The following BRI3 variants were observed in gnomAD, a reference collection of about 807,000 sequenced individuals.
BRI3 encodes brain protein I3.
BRI3 carries 6 observed loss-of-function variants against 12.8 expected under a neutral mutation model. The observed-to-expected ratio is 0.47, with a 90% CI of 0.26 to 0.93. The LOEUF (loss-of-function observed/expected upper bound fraction) is 0.93. BRI3 is among the 40% of genes least tolerant of loss of function. BRI3 has a pLI of 0.15. For synonymous variants in BRI3, 91 were observed against 76.1 expected, an observed-to-expected ratio of 1.20 and a Z score of -1.02; for missense variants, 134 against 171.1, an observed-to-expected ratio of 0.78 and a Z score of 1.21.
At chr7:98,319,493 T>C in the BRI3 span, among the ~76,000 whole-genome samples, 1 of 151,564 alleles carries the variant, frequency 6.6e-6, no homozygotes, top group Admixed American at 6.6e-5. Flanking sequence ...ATGTATTCTG[T>C]GAAGACAATG....
chr7:98,299,310 C>T (rs1012300761), intron 1 of BRI3, among the ~76,000 whole-genome samples: 9 of 151,210 alleles, frequency 6.0e-5, no homozygotes, highest in African/African-American at 2.2e-4. Context: ...TGAGCCACCA[C>T]GCCTGACTGG....
At chr7:98,287,413 C>T (rs75450757) in intron 2 of BRI3, among the ~76,000 whole-genome samples, 2,679 of 152,276 alleles carry the variant, frequency 0.018, 82 homozygotes, top group African/African-American at 0.061. Flanking sequence ...ACAGAAATTC[C>T]GTGGGTTGGA....
exon 1 of BRI3, chr7:98,306,660 T>A: frequency 8.3e-7 from 1 of 1,211,524 alleles, no homozygotes; most frequent in Non-Finnish European, 1.1e-6. Flanking sequence ...TTAAGGCTTT[T>A]AATAGGTAAA....
downstream of BRI3, chr7:98,310,597 G>A (rs777828564): frequency 6.4e-7 from 1 of 1,555,962 alleles, no homozygotes; most frequent in East Asian, 2.4e-5. Context: ...CCTAACCTGT[G>A]AAAAATTCTT....
rs1325243434 is a variant in BRI3, at chr7:98,290,776, G to A, written c.246-335G>A. The stretch of plus-strand genomic sequence containing the variant: ...CGCCTCCCACAGTGCTGGGATTACA[G>A]GCGTGAGCCACCACACACCCTGCCT... On this transcript the variant is annotated intron_variant, in intron 2 of 2. Transcript: ENST00000297290. 2.0e-5 allele frequency among the ~76,000 whole-genome samples: 3 copies of A among 152,400 alleles called. No individual in the cohort carries two copies. The East Asian group carries it at 5.8e-4, about 29-fold the overall frequency.
At chr7:98,289,956 T>C (rs1377038031) in intron 2 of BRI3, among the ~76,000 whole-genome samples, 3 of 152,310 alleles carry the variant, frequency 2.0e-5, no homozygotes, top group Admixed American at 6.5e-5. Flanking sequence ...CATTGAACTT[T>C]GTTGAAGAGG....
the BRI3 span, chr7:98,315,624 A>T: frequency 2.6e-6 from 3 of 1,171,964 alleles, no homozygotes; most frequent in East Asian, 3.1e-5. Context: ...TAAAAAAAAA[A>T]AAATAATAAT....
At position 98,291,106 on chromosome 7, in the gene BRI3, T is replaced by C. The variant is rs1799930733; in HGVS notation, c.246-5T>C. 6.2e-7 allele frequency: 1 copy of C among 1,614,032 alleles called. No homozygotes were observed. The highest frequency in any genetic ancestry group is 1.3e-5 in the African/African-American group (1 of 74,930). ...TGCCACCCTCTCTGCCCGTCTCTGC[T>C]GCAGGGTTGGGGTGCTGGAGGACTG... is the stretch of plus-strand genomic sequence containing the variant. On this transcript the variant is annotated splice_region_variant and splice_polypyrimidine_tract_variant and intron_variant, in intron 2 of 2. Transcript: ENST00000297290.
chr7:98,319,545 T>C, the BRI3 span, among the ~76,000 whole-genome samples: 3 of 143,312 alleles, frequency 2.1e-5, no homozygotes, highest in Admixed American at 1.5e-4. Flanking sequence ...CTTTTTCCTA[T>C]GCCTTTTTTT....
chr7:98,315,476 T>C, the BRI3 span: 118 of 1,495,450 alleles, frequency 7.9e-5, no homozygotes, highest in Non-Finnish European at 1.0e-4. Flanking sequence ...GTGATAATAA[T>C]GTATGTGGTT....
At chr7:98,307,892 A>C in exon 2 of BRI3, 2 of 1,614,212 alleles carry the variant, frequency 1.2e-6, no homozygotes, top group South Asian at 1.1e-5. Flanking sequence ...GATCTTCGGA[A>C]GTACCTGTTG....
At chr7:98,293,630 T>G (rs756410863), downstream of BRI3, 1 of 1,594,128 alleles carries the variant, frequency 6.3e-7, no homozygotes, top group Non-Finnish European at 8.6e-7. Flanking sequence ...TCAGAACTTC[T>G]GCTCTACGAG....
the BRI3 span, among the ~76,000 whole-genome samples, chr7:98,317,976 C>A: frequency 1.3e-5 from 2 of 150,970 alleles, no homozygotes; most frequent in Non-Finnish European, 3.0e-5. Context: ...CATCCTTACG[C>A]TGGCTGGGAC....
At chr7:98,291,911 T>G (rs1799973440), downstream of BRI3, 2 of 152,960 alleles carry the variant, frequency 1.3e-5, no homozygotes, top group Admixed American at 1.3e-4. Flanking sequence ...TAGCGCCAGA[T>G]GGGGCTCCCT....
downstream of BRI3, chr7:98,312,352 G>T: frequency 7.1e-7 from 1 of 1,402,308 alleles, no homozygotes; most frequent in Non-Finnish European, 9.6e-7. Context: ...GCTGATAACA[G>T]ATTACTGGCT....
chr7:98,317,264 G>A, the BRI3 span: 1 of 1,614,184 alleles, frequency 6.2e-7, no homozygotes, highest in Non-Finnish European at 8.5e-7. Context: ...GGCTTCCTTG[G>A]CTTTTCCTTC....
intron 1 of BRI3, among the ~76,000 whole-genome samples, chr7:98,300,503 T>C (rs1340497392): frequency 6.6e-6 from 1 of 152,184 alleles, no homozygotes; most frequent in African/African-American, 2.4e-5. Flanking sequence ...CCATGTCTTA[T>C]CAGGAAAGCG....
At chr7:98,301,436 A>G (rs891160748) in intron 1 of BRI3, among the ~76,000 whole-genome samples, 1 of 151,666 alleles carries the variant, frequency 6.6e-6, no homozygotes, top group Non-Finnish European at 1.5e-5. Flanking sequence ...AAAGGCTGCT[A>G]AAATGAAAGC....
downstream of BRI3, among the ~76,000 whole-genome samples, chr7:98,314,411 C>T (rs992755326): frequency 1.3e-5 from 2 of 152,162 alleles, no homozygotes; most frequent in Non-Finnish European, 2.9e-5. Flanking sequence ...AAAGCTTCTC[C>T]TATATTGGAA....
Sources: allele counts gnomAD v4.1 joint callset (sites outside exome capture counted in the v4.1 genomes callset), GRCh38; gene constraint gnomAD v4.1.1; transcripts MANE v1.5; gene names NCBI Gene and HGNC (gene_info 2026-07-23, HGNC 2026-07-21).